Variants in IL15 observed in about 807,000 individuals in gnomAD.
IL15 encodes the protein interleukin-15.
Under a neutral mutation model 19.6 loss-of-function variants are expected in IL15, and 11 were observed. That is an observed-to-expected ratio of 0.56 (90% CI 0.35 to 0.93). IL15 has a LOEUF of 0.93. Ranked by LOEUF, IL15 falls within the 40% of genes least tolerant of loss-of-function variation. The pLI is 0.01. For synonymous variants in IL15, 58 were observed against 59.6 expected (o/e 0.97, Z 0.12); for missense variants, 197 against 186.5 (o/e 1.06, Z -0.33).
rs1448010176 is a variant in IL15 at position 141,665,581 on chromosome 4, T to C, written c.-100+9274T>C. 4.6e-5 allele frequency among the ~76,000 whole-genome samples: 7 copies of C among 152,212 alleles called. 1 individual carries two copies. ...ACTTCCAAATTTCTTATGAAATAAT[T>C]TGGAAAAATGATATTTCTGTAATAT... On this transcript the variant is annotated intron_variant, in intron 2 of 7. Coordinates refer to ENST00000320650, the MANE Select transcript of IL15 (RefSeq NM_000585.5).
chr4:141,729,127 T>A (rs1730365917), intron 6 of IL15, among the ~76,000 whole-genome samples: 1 of 152,262 alleles, frequency 6.6e-6, no homozygotes, highest in African/African-American at 2.4e-5. Context: ...GCTGGGCACA[T>A]GGGTGTATTC....
chr4:141,703,485 C>T (rs181747042), intron 2 of IL15, among the ~76,000 whole-genome samples: 5 of 152,246 alleles, frequency 3.3e-5, no homozygotes, highest in Non-Finnish European at 5.9e-5. Flanking sequence ...TTTATTTTCA[C>T]GAGGCTCCCT....
At chr4:141,720,430 T>TA (rs1289768302) in intron 3 of IL15, 39 bp from the exon 4 acceptor site, 4 of 1,061,542 alleles carry the variant, frequency 3.8e-6, no homozygotes, top group Non-Finnish European at 5.8e-6. Flanking sequence ...ACTTTTTAAC[T>TA]AAAAAATTTA....
chr4:141,684,368 T>G (rs1258167200), intron 2 of IL15, among the ~76,000 whole-genome samples: 1 of 151,846 alleles, frequency 6.6e-6, no homozygotes, highest in Non-Finnish European at 1.5e-5. Flanking sequence ...AAAAGTGATG[T>G]GTAAATTTTT....
At chr4:141,709,058 CAATATTATTCAATATTGAAAATTT>C (rs1729621673) in intron 2 of IL15, among the ~76,000 whole-genome samples, 1 of 114,974 alleles carries the variant, frequency 8.7e-6, no homozygotes, top group African/African-American at 3.3e-5. Flanking sequence ...TGAAAATTTT[CAATATTATTCAATATTGAAAATTT>C]TCAATATTGA....
At chr4:141,684,545 A>G (rs1245659785) in intron 2 of IL15, among the ~76,000 whole-genome samples, 1 of 152,176 alleles carries the variant, frequency 6.6e-6, no homozygotes, top group Non-Finnish European at 1.5e-5. Context: ...CAACCTGCCT[A>G]TCCACATGTA....
intron 5 of IL15, among the ~76,000 whole-genome samples, chr4:141,722,717 G>A (rs1202821641): frequency 6.6e-6 from 1 of 152,024 alleles, no homozygotes; most frequent in East Asian, 1.9e-4. Flanking sequence ...ATCAGATGTT[G>A]GAATTCTCTG....
chr4:141,684,575 A>G (rs1353421067), intron 2 of IL15, among the ~76,000 whole-genome samples: 2 of 152,150 alleles, frequency 1.3e-5, no homozygotes, highest in Non-Finnish European at 2.9e-5. Flanking sequence ...ACTTCCTTCA[A>G]TACTTTTCAT....
intron 2 of IL15, among the ~76,000 whole-genome samples, chr4:141,666,514 C>T (rs1272983376): frequency 1.3e-5 from 2 of 152,046 alleles, no homozygotes; most frequent in Non-Finnish European, 2.9e-5. Flanking sequence ...CACCACCCTG[C>T]CTGGCTAATT....
chr4:141,672,136 G>C (rs1728195481), intron 2 of IL15, among the ~76,000 whole-genome samples: 1 of 152,160 alleles, frequency 6.6e-6, no homozygotes, highest in Non-Finnish European at 1.5e-5. Context: ...TGTAATCAAA[G>C]AAATATTGCA....
rs561849471 is a variant in IL15, at chr4:141,669,667, A to G, written c.-100+13360A>G. ...AGGCAATAATAGGCTATTCAAGTGG[A>G]AGTATCCCAGGGGACAGGGATTGGC... On this transcript the variant is annotated intron_variant, in intron 2 of 7. Transcript: ENST00000320650. Among the ~76,000 whole-genome samples the G allele has an allele frequency of 3.9e-5, 6 of 152,242 alleles. 1 individual carries two copies. Among genetic ancestry groups the G allele is most frequent in the African/African-American group, 1.4e-4 (6 of 41,548 alleles).
chr4:141,696,591 T>A (rs1287816820), intron 2 of IL15, among the ~76,000 whole-genome samples: 1 of 152,050 alleles, frequency 6.6e-6, no homozygotes, highest in Non-Finnish European at 1.5e-5. Context: ...TTCAGTGTCT[T>A]CACATTCGTT....
At chr4:141,672,451 T>A (rs548374963) in intron 2 of IL15, among the ~76,000 whole-genome samples, 1 of 152,336 alleles carries the variant, frequency 6.6e-6, no homozygotes, top group South Asian at 2.1e-4. Flanking sequence ...TCAATATCAT[T>A]TCTAACTAGA....
chr4:141,722,159 T>C (rs998451734), intron 5 of IL15, 151 bp downstream of exon 5: 64 of 1,117,176 alleles, frequency 5.7e-5, no homozygotes, highest in Non-Finnish European at 7.4e-5. Flanking sequence ...AAAGAAGTCT[T>C]TTCCTTACTG....
At chr4:141,655,440 G>A (rs181622934) in intron 1 of IL15, among the ~76,000 whole-genome samples, 189 of 151,642 alleles carry the variant, frequency 1.2e-3, no homozygotes, top group African/African-American at 4.0e-3. Context: ...TAAACTGAAT[G>A]TAAGTTTTTC....
chr4:141,682,713 G>A (rs1047611387), intron 2 of IL15, among the ~76,000 whole-genome samples: 6 of 152,032 alleles, frequency 3.9e-5, no homozygotes, highest in Non-Finnish European at 8.8e-5. Flanking sequence ...AAAAACAATA[G>A]GGGGAGGCCG....
chr4:141,710,659 CT>C (rs1216452304), intron 2 of IL15, among the ~76,000 whole-genome samples: 2 of 151,956 alleles, frequency 1.3e-5, no homozygotes, highest in Middle Eastern at 3.4e-3. Context: ...ACTGCACTTT[CT>C]TTTTTTTCTT....
At chr4:141,640,686 G>A (rs1442764191) in intron 1 of IL15, among the ~76,000 whole-genome samples, 1 of 152,134 alleles carries the variant, frequency 6.6e-6, no homozygotes, top group Non-Finnish European at 1.5e-5. Flanking sequence ...CACATCCAGA[G>A]CCAGGGTATT....
intron 1 of IL15, among the ~76,000 whole-genome samples, chr4:141,644,863 A>G (rs543115083): frequency 1.9e-4 from 29 of 152,304 alleles, no homozygotes; most frequent in African/African-American, 7.0e-4. Context: ...GCCGGCATAT[A>G]TCCCAAGTTC....
Sources: allele counts gnomAD v4.1 joint callset (sites outside exome capture counted in the v4.1 genomes callset), GRCh38; gene constraint gnomAD v4.1.1; transcripts MANE v1.5; gene names NCBI Gene and HGNC (gene_info 2026-07-23, HGNC 2026-07-21).